LARP4B: variants seen among roughly 807,000 people sequenced by gnomAD.
LARP4B encodes the protein La ribonucleoprotein 4B.
A neutral mutation model predicts 89.8 loss-of-function variants in LARP4B; 12 were observed. The ratio of observed to expected loss-of-function variants is 0.13; its 90% CI spans 0.09 to 0.22. LARP4B has a LOEUF of 0.22. Ranked by LOEUF, LARP4B falls within the 10% of genes least tolerant of loss-of-function variation. The pLI is 1.00. For synonymous variants in LARP4B, 367 were observed against 363.3 expected (o/e 1.01, Z -0.12); for missense variants, 757 against 947.7 (o/e 0.80, Z 2.64).
intron 1 of LARP4B, among the ~76,000 whole-genome samples, chr10:894,449 G>C (rs1836129190): frequency 6.6e-6 from 1 of 152,140 alleles, no homozygotes; most frequent in Non-Finnish European, 1.5e-5. Flanking sequence ...GAATTAAAAA[G>C]CCTTAACCAA....
intron 3 of LARP4B, chr10:873,344 C>G (rs928356097): frequency 2.0e-5 from 20 of 985,406 alleles, no homozygotes; most frequent in Non-Finnish European, 2.4e-5. Context: ...CAGCATACTC[C>G]GTGTGCCCAA....
intron 5 of LARP4B, among the ~76,000 whole-genome samples, chr10:860,127 T>TGGGGGGGGGG (rs60607691): frequency 6.9e-4 from 66 of 96,130 alleles, no homozygotes; most frequent in Non-Finnish European, 8.1e-4. Flanking sequence ...TGTGTGGGGG[T>TGGGGGGGGGG]GGGGGGGAGG....
chr10:925,215 T>C (rs1837104646), intron 1 of LARP4B, among the ~76,000 whole-genome samples: 1 of 152,186 alleles, frequency 6.6e-6, no homozygotes, highest in Non-Finnish European at 1.5e-5. Flanking sequence ...TGCACTTTCC[T>C]ATTCCTGCTG....
chr10:872,207 G>A (rs1835243139), intron 3 of LARP4B, among the ~76,000 whole-genome samples: 1 of 152,244 alleles, frequency 6.6e-6, no homozygotes, highest in Non-Finnish European at 1.5e-5. Flanking sequence ...CACGTTATCA[G>A]TGTTTGCTTC....
At position 931,652 on chromosome 10, in the gene LARP4B, C is replaced by G. The variant is rs1304681224; in HGVS notation, c.-264G>C. On this transcript the variant is annotated 5_prime_UTR_variant, in exon 1 of 18. Coordinates refer to ENST00000316157, the MANE Select transcript of LARP4B (RefSeq NM_015155.3). ...TTTCGGGCCCGAAAATGTCTCAACCCCGGGACTCCAGATCCCCAACGCTCC... is the reference window on the plus strand; with the variant it reads ...TTTCGGGCCCGAAAATGTCTCAACCGCGGGACTCCAGATCCCCAACGCTCC... The G allele has an allele frequency of 6.5e-6, 1 of 154,454 alleles. No individual in the cohort carries two copies. The highest frequency in any genetic ancestry group is 1.4e-5 in the Non-Finnish European group (1 of 69,914). 9.6% of individuals were successfully genotyped at this position (154,454 alleles called of 1,614,324 possible).
intron 15 of LARP4B, among the ~76,000 whole-genome samples, chr10:816,550 A>G (rs997684381): frequency 2.0e-5 from 3 of 152,260 alleles, no homozygotes; most frequent in African/African-American, 7.2e-5. Context: ...AACTGGGCAC[A>G]GCAGGAGCTG....
In LARP4B at chr10:860,763, C is replaced by CT. The variant is rs1421584441; in HGVS notation, c.430+2979dup. Among the ~76,000 whole-genome samples the CT allele has an allele frequency of 2.0e-5, 3 of 152,098 alleles. No individual in the cohort carries two copies. The East Asian group carries it at 5.8e-4, about 29-fold the overall frequency. ...CTATCACACGTCTGTTGTCCAGCAA[C>CT]TTGTGGGGCTGATGCACATCTCTTG... On this transcript the variant is annotated intron_variant, in intron 5 of 17. Coordinates refer to ENST00000316157, the MANE Select transcript of LARP4B (RefSeq NM_015155.3).
At chr10:924,846 CTA>C (rs1491267481) in intron 1 of LARP4B, among the ~76,000 whole-genome samples, 2 of 152,256 alleles carry the variant, frequency 1.3e-5, no homozygotes, top group Non-Finnish European at 2.9e-5. Context: ...AGATGGCAAT[CTA>C]TCCCTCTTGT....
At chr10:959,675 T>TC in the LARP4B span, among the ~76,000 whole-genome samples, 1 of 14,992 alleles carries the variant, frequency 6.7e-5, no homozygotes, top group Non-Finnish European at 1.1e-4. Flanking sequence ...TCCCCGTCAA[T>TC]CCACCTCCCC....
Position 829,480 on chromosome 10 carries a change from G to A in LARP4B, c.1030C>T (p.Pro344Ser), listed in dbSNP as rs753503667. The change falls in exon 11 of 18, where the codon CCT (proline) becomes TCT (serine). Residue 344 changes from proline (P) to serine (S), a missense_variant. Pro to Ser is a moderately conservative substitution (Grantham distance 74, BLOSUM62 -1). Coordinates refer to ENST00000316157, the MANE Select transcript of LARP4B (RefSeq NM_015155.3). The stretch of plus-strand genomic sequence containing the variant: ...TGCTGCTGGGGGCTGTACATGGGAG[G>A]GAAGTAGAACGACGTCGCGTAGCGC... ...QQRYATSFYF[P>S]PMYSPQQQFP... is the part of the protein sequence containing the mutation. The A allele has an allele frequency of 1.4e-5, 22 of 1,614,066 alleles. No homozygotes were observed. Among genetic ancestry groups the A allele is most frequent in the Non-Finnish European group, 1.8e-5 (21 of 1,180,032 alleles).
the LARP4B span, among the ~76,000 whole-genome samples, chr10:949,295 A>G: frequency 6.7e-6 from 1 of 150,180 alleles, no homozygotes; most frequent in South Asian, 2.1e-4. Context: ...CAGCTGTACC[A>G]TCTTACATCC....
chr10:919,816 GGAA>G (rs1836931222), intron 1 of LARP4B, among the ~76,000 whole-genome samples: 1 of 152,154 alleles, frequency 6.6e-6, no homozygotes, highest in Non-Finnish European at 1.5e-5. Flanking sequence ...GAATGCTTTA[GGAA>G]GAAAACCATT....
At chr10:905,537 C>G (rs1836465367) in intron 1 of LARP4B, among the ~76,000 whole-genome samples, 1 of 152,156 alleles carries the variant, frequency 6.6e-6, no homozygotes, top group Non-Finnish European at 1.5e-5. Flanking sequence ...TCCCTCCATG[C>G]CCAGTCTAGA....
At chr10:941,076 G>T in the LARP4B span, among the ~76,000 whole-genome samples, 1 of 152,146 alleles carries the variant, frequency 6.6e-6, no homozygotes, top group African/African-American at 2.4e-5. Flanking sequence ...GGACCGATAG[G>T]GTGGAGAAAC....
At chr10:930,520 T>A (rs1165824028) in intron 1 of LARP4B, among the ~76,000 whole-genome samples, 9 of 152,090 alleles carry the variant, frequency 5.9e-5, no homozygotes, top group African/African-American at 2.2e-4. Flanking sequence ...ACGTTTTACG[T>A]AAAAATAAGG....
At chr10:884,795 A>G (rs1162317042) in intron 2 of LARP4B, among the ~76,000 whole-genome samples, 1 of 152,218 alleles carries the variant, frequency 6.6e-6, no homozygotes, top group Non-Finnish European at 1.5e-5. Context: ...TAAAATGTTT[A>G]AATGAACAAA....
chr10:897,987 C>CAAAAAAAAAAAA (rs58452748), intron 1 of LARP4B, among the ~76,000 whole-genome samples: 4 of 25,648 alleles, frequency 1.6e-4, no homozygotes, highest in African/African-American at 7.1e-4. Context: ...GGCTCCATCT[C>CAAAAAAAAAAAA]AAAAAAAAAA....
chr10:893,505 ACAC>A (rs1220352779), intron 1 of LARP4B, among the ~76,000 whole-genome samples: 1 of 152,202 alleles, frequency 6.6e-6, no homozygotes, highest in African/African-American at 2.4e-5. Flanking sequence ...CCTTTGCAAT[ACAC>A]CACTATTACC....
At chr10:852,733 A>G (rs890226384) in intron 5 of LARP4B, among the ~76,000 whole-genome samples, 4 of 152,238 alleles carry the variant, frequency 2.6e-5, no homozygotes, top group African/African-American at 9.7e-5. Context: ...AATCCAATGT[A>G]ATCTACAAAA....
Sources: gnomAD v4.1 joint callset for allele counts (sites outside exome capture counted in the v4.1 genomes callset) on GRCh38, gnomAD v4.1.1 for gene constraint, MANE v1.5 for transcripts, NCBI Gene and HGNC (gene_info 2026-07-23, HGNC 2026-07-21) for gene names.